Variants in GPC6 observed in about 807,000 individuals in gnomAD.
GPC6 encodes the protein glypican 6, also known as glypican-6.
Under a neutral mutation model 55.2 loss-of-function variants are expected in GPC6, and 14 were observed. That is an observed-to-expected ratio of 0.25 (90% CI 0.17 to 0.40). The LOEUF is 0.40. Among genes scored for constraint, GPC6 ranks in the 10% least tolerant of loss-of-function variants. The pLI, the probability that GPC6 is intolerant of heterozygous loss-of-function variation, is 1.00. For missense variants in GPC6, 641 were observed against 708.5 expected, an observed-to-expected ratio of 0.90 and a Z score of 1.08; for synonymous variants, 278 against 259.6, an observed-to-expected ratio of 1.07 and a Z score of -0.68.
intron 4 of GPC6, among the ~76,000 whole-genome samples, chr13:94,185,198 A>G (rs1889130026): frequency 1.3e-5 from 2 of 151,756 alleles, no homozygotes; most frequent in African/African-American, 4.8e-5. Flanking sequence ...TACTATGCTT[A>G]CTACCTGGGT....
chr13:94,248,405 T>C (rs1194668232), intron 4 of GPC6, among the ~76,000 whole-genome samples: 1 of 152,114 alleles, frequency 6.6e-6, no homozygotes, highest in African/African-American at 2.4e-5. Flanking sequence ...GAGATAAAAA[T>C]TTAAAGTAAC....
intron 1 of GPC6, among the ~76,000 whole-genome samples, chr13:93,467,227 A>C (rs989913259): frequency 5.9e-5 from 9 of 152,322 alleles, no homozygotes; most frequent in Non-Finnish European, 1.0e-4. Context: ...ACACCAACCA[A>C]GTTACTAAGC....
intron 3 of GPC6, among the ~76,000 whole-genome samples, chr13:93,840,988 T>G (rs1887934147): frequency 6.6e-6 from 1 of 152,156 alleles, no homozygotes; most frequent in South Asian, 2.1e-4. Context: ...ATGCTCTTCC[T>G]ATGAGAGGGT....
At chr13:94,029,058 G>A (rs938315580) in intron 4 of GPC6, among the ~76,000 whole-genome samples, 8 of 152,182 alleles carry the variant, frequency 5.3e-5, no homozygotes, top group Non-Finnish European at 1.2e-4. Context: ...CTCTAAACGA[G>A]CATGCACAAG....
chr13:93,293,513 A>ATGT (rs140857), intron 1 of GPC6, among the ~76,000 whole-genome samples: 98,454 of 151,572 alleles, frequency 0.65, 33,009 homozygotes, highest in African/African-American at 0.82. Flanking sequence ...ATTTGTGAAA[A>ATGT]TGTAAGATTA....
intron 5 of GPC6, among the ~76,000 whole-genome samples, chr13:94,303,829 C>T (rs1286023477): frequency 2.6e-5 from 4 of 151,594 alleles, no homozygotes; most frequent in Middle Eastern, 3.2e-3. Context: ...AAATATCTCC[C>T]TAGAACACTA....
Position 94,054,810 on chromosome 13 carries a change from T to C in GPC6, c.877+26916T>C, listed in dbSNP as rs1884075619. Among the ~76,000 whole-genome samples the C allele has an allele frequency of 3.9e-5, 6 of 152,196 alleles. No individual in the cohort carries two copies. In the South Asian group the frequency reaches 1.2e-3, roughly 31 times the overall value. The stretch of plus-strand genomic sequence containing the variant: ...AATTTCTTATATTAATCTGTCAGTG[T>C]AAATCATGGGGGAGTGATTTCGACT... On this transcript the variant is annotated intron_variant, in intron 4 of 8. Transcript: ENST00000377047.
chr13:93,816,976 T>G (rs550730593), intron 2 of GPC6, among the ~76,000 whole-genome samples: 18 of 152,322 alleles, frequency 1.2e-4, no homozygotes, highest in Non-Finnish European at 1.8e-4. Flanking sequence ...TTTCGAAGCC[T>G]CTGTACCTAA....
At chr13:93,525,433 A>G (rs1881608951) in intron 1 of GPC6, among the ~76,000 whole-genome samples, 1 of 152,034 alleles carries the variant, frequency 6.6e-6, no homozygotes, top group Non-Finnish European at 1.5e-5. Flanking sequence ...AGTGAAACAG[A>G]ATAGCTTCTA....
At chr13:93,282,298 A>G (rs1877979151) in intron 1 of GPC6, among the ~76,000 whole-genome samples, 2 of 152,144 alleles carry the variant, frequency 1.3e-5, no homozygotes, top group Non-Finnish European at 2.9e-5. Flanking sequence ...CTATTTTGCT[A>G]AAATTGTCCT....
At chr13:93,943,502 TGAG>T (rs1347052743) in intron 3 of GPC6, among the ~76,000 whole-genome samples, 3 of 152,162 alleles carry the variant, frequency 2.0e-5, no homozygotes, top group Non-Finnish European at 4.4e-5. Flanking sequence ...TAGAATTGGC[TGAG>T]GTCTCATTGC....
chr13:93,339,721 G>A (rs192412795), intron 1 of GPC6, among the ~76,000 whole-genome samples: 105 of 152,254 alleles, frequency 6.9e-4, no homozygotes, highest in African/African-American at 2.4e-3. Flanking sequence ...TAGTGCCAAC[G>A]GCTTCCCGGG....
chr13:93,309,275 C>T (rs1413022010), intron 1 of GPC6, among the ~76,000 whole-genome samples: 1 of 149,176 alleles, frequency 6.7e-6, no homozygotes, highest in African/African-American at 2.4e-5. Context: ...GTAGGTAAGT[C>T]TTTATTTTTG....
chr13:93,902,890 T>C lies in GPC6; in HGVS notation c.711+72345T>C, dbSNP rs369481187. Among the ~76,000 whole-genome samples the C allele has an allele frequency of 8.6e-4, 131 of 152,280 alleles. 1 individual carries two copies. Among genetic ancestry groups the C allele is most frequent in the African/African-American group, 3.1e-3 (128 of 41,544 alleles). On this transcript the variant is annotated intron_variant, in intron 3 of 8. Coordinates refer to ENST00000377047, the MANE Select transcript of GPC6 (RefSeq NM_005708.5). ...ATTTTTAAATTGGATTATTGGAGGTTTTTTGCTATTGAGTTGATAACGCAG... is the reference window on the plus strand; with the variant it reads ...ATTTTTAAATTGGATTATTGGAGGTCTTTTGCTATTGAGTTGATAACGCAG...
intron 8 of GPC6, among the ~76,000 whole-genome samples, chr13:94,402,595 G>T: frequency 6.6e-6 from 1 of 152,154 alleles, no homozygotes; most frequent in East Asian, 1.9e-4. Context: ...CTCTTTCCTG[G>T]TTGGTTGTAT....
Position 94,382,502 on chromosome 13 carries a change from C to G in GPC6, c.1241C>G (p.Ala414Gly). The G allele has an allele frequency of 6.2e-7, 1 of 1,614,090 alleles. No homozygotes were observed. The highest frequency in any genetic ancestry group is 1.1e-5 in the South Asian group (1 of 91,074). Residue 414 changes from alanine (A) to glycine (G), a missense_variant, in exon 7 of 9, where the codon GCG becomes GGG. Ala to Gly is a moderately conservative substitution (Grantham distance 60). Coordinates refer to ENST00000377047, the MANE Select transcript of GPC6 (RefSeq NM_005708.5). The part of the protein sequence containing the change: ...YTICKDESVT[A>G]GTSNEEECWN... ...ATCTGCAAGGACGAGAGCGTGACAG[C>G]GGGCACGTCCAACGAGGAGGAATGC...
In GPC6 at chr13:93,577,869, T is replaced by G. The variant is rs369107582; in HGVS notation, c.319+32448T>G. 1.4e-4 allele frequency among the ~76,000 whole-genome samples: 22 copies of G among 152,164 alleles called. 1 individual carries two copies. The highest frequency in any genetic ancestry group is 5.3e-4 in the African/African-American group (22 of 41,452). The stretch of plus-strand genomic sequence containing the variant: ...GGTTTGTCAACAGGCCTTTATTATG[T>G]TGAGGTATGTTCCTTCTATACCAAA... On this transcript the variant is annotated intron_variant, in intron 2 of 8. Transcript: ENST00000377047.
chr13:93,263,323 T>C (rs1019380305), intron 1 of GPC6, among the ~76,000 whole-genome samples: 1 of 151,926 alleles, frequency 6.6e-6, no homozygotes, highest in Non-Finnish European at 1.5e-5. Flanking sequence ...CTGCTTGGAG[T>C]TTTTTGTTGT....
chr13:94,277,935 A>G (rs1228939179), intron 4 of GPC6, among the ~76,000 whole-genome samples: 1 of 152,126 alleles, frequency 6.6e-6, no homozygotes, highest in Admixed American at 6.5e-5. Flanking sequence ...CTTTGATTCC[A>G]TATGTAATTT....
Sources: allele counts gnomAD v4.1 joint callset (sites outside exome capture counted in the v4.1 genomes callset), GRCh38; gene constraint gnomAD v4.1.1; transcripts MANE v1.5; gene names NCBI Gene and HGNC (gene_info 2026-07-23, HGNC 2026-07-21).